Variants in DOCK3 observed in about 807,000 individuals in gnomAD.
The protein encoded by DOCK3 is dedicator of cytokinesis protein 3.
In DOCK3, 60 loss-of-function variants were observed where a neutral mutation model predicts 265.6. That is an observed-to-expected ratio of 0.23 (90% CI 0.18 to 0.28). DOCK3 has a LOEUF of 0.28. Among genes scored for constraint, DOCK3 ranks in the 10% least tolerant of loss-of-function variants. The pLI, the probability that DOCK3 is intolerant of heterozygous loss-of-function variation, is 1.00. For missense variants in DOCK3, 1,981 were observed against 2,594.3 expected (o/e 0.76, Z 5.14); for synonymous variants, 881 against 938.0 (o/e 0.94, Z 1.11).
intron 5 of DOCK3, among the ~76,000 whole-genome samples, chr3:51,043,258 A>G (rs929312764): frequency 6.6e-6 from 1 of 152,200 alleles, no homozygotes; most frequent in Non-Finnish European, 1.5e-5. Context: ...ATGGAACAGA[A>G]CAGAGAACAC....
intron 1 of DOCK3, chr3:50,719,470 A>G (rs1576223053): frequency 1.3e-6 from 1 of 758,950 alleles, no homozygotes; most frequent in South Asian, 1.6e-5. Flanking sequence ...GATAAAGCAC[A>G]AGTCAAATTT....
At chr3:50,877,893 A>C (rs1283079897) in intron 3 of DOCK3, among the ~76,000 whole-genome samples, 1 of 152,102 alleles carries the variant, frequency 6.6e-6, no homozygotes, top group Admixed American at 6.6e-5. Context: ...ACTGACACCA[A>C]ATACAGCCAG....
chr3:50,732,585 A>AT (rs2038292266), intron 1 of DOCK3, among the ~76,000 whole-genome samples: 1 of 151,942 alleles, frequency 6.6e-6, no homozygotes, highest in Admixed American at 6.6e-5. Context: ...TTTTTATTTT[A>AT]TTTTTTGTAG....
At chr3:50,709,295 T>A (rs1027697975) in intron 1 of DOCK3, among the ~76,000 whole-genome samples, 1 of 152,232 alleles carries the variant, frequency 6.6e-6, no homozygotes, top group Middle Eastern at 3.2e-3. Context: ...TTTTTTTTAG[T>A]GGATTCCTTA....
intron 1 of DOCK3, among the ~76,000 whole-genome samples, chr3:50,728,127 A>G (rs1399861055): frequency 6.6e-6 from 1 of 152,226 alleles, no homozygotes; most frequent in Non-Finnish European, 1.5e-5. Flanking sequence ...ATGAAATAAA[A>G]ACCGTAAAAT....
In DOCK3 at chr3:51,116,472, A is replaced by AAAAAG. The variant is rs1553763620; in HGVS notation, c.746+26088_746+26089insAAAAG. On this transcript the variant is annotated intron_variant, in intron 9 of 52. Coordinates refer to ENST00000266037, the MANE Select transcript of DOCK3 (RefSeq NM_004947.5). ...TCTCAAAAAAAAAAAAAAAAAAAAAAGGGTAGTTTTTTTCTAATTCTGTGA... is the reference window on the plus strand; with the variant it reads ...TCTCAAAAAAAAAAAAAAAAAAAAAAAAAAGGGGTAGTTTTTTTCTAATTCTGTGA... 1.9e-3 allele frequency among the ~76,000 whole-genome samples: 274 copies of AAAAAG among 145,070 alleles called. 9 individuals are homozygous for AAAAAG. Among genetic ancestry groups the AAAAAG allele is most frequent in the African/African-American group, 6.9e-3 (250 of 36,242 alleles).
At chr3:51,299,533 G>T (rs1041248215) in intron 27 of DOCK3, among the ~76,000 whole-genome samples, 1 of 151,932 alleles carries the variant, frequency 6.6e-6, no homozygotes, top group Admixed American at 6.6e-5. Context: ...TTTCTTCTAG[G>T]GTTTTTGTAG....
intron 5 of DOCK3, among the ~76,000 whole-genome samples, chr3:50,942,092 A>G (rs1032630158): frequency 6.6e-6 from 1 of 152,114 alleles, no homozygotes; most frequent in Admixed American, 6.5e-5. Context: ...GATCTTATCA[A>G]TGGATGAAGC....
chr3:51,245,323 CAA>C (rs1291967112), intron 21 of DOCK3, among the ~76,000 whole-genome samples: 1 of 151,436 alleles, frequency 6.6e-6, no homozygotes, highest in Admixed American at 6.6e-5. Flanking sequence ...AGCGATAGAG[CAA>C]GTGTCTGTCT....
intron 27 of DOCK3, among the ~76,000 whole-genome samples, chr3:51,288,465 G>A (rs1433155199): frequency 1.3e-5 from 2 of 151,942 alleles, no homozygotes; most frequent in Non-Finnish European, 2.9e-5. Flanking sequence ...GTGGGAGGAG[G>A]GTGAGGATCA....
chr3:51,228,073 G>C lies in DOCK3; in HGVS notation c.1632G>C (p.Glu544Asp). ...DGTTLSDDIH[E>D]LYVYKCDENS... ...CCACCCTCTCAGATGATATTCACGA[G>C]CTTTATGTGTACAAGGTATGAAGCC... The change falls in exon 17 of 53, where the codon GAG becomes GAC. Residue 544 changes from glutamate to aspartate, a missense_variant. By Grantham distance (45) the Glu-to-Asp change is conservative (BLOSUM62 2). Around this residue, in one of 4 missense-constraint regions of DOCK3, gnomAD observed 1,357 missense variants for 1,866.8 expected, o/e 0.73. Coordinates refer to ENST00000266037, the MANE Select transcript of DOCK3 (RefSeq NM_004947.5). The C allele has an allele frequency of 6.2e-7, 1 of 1,614,008 alleles. No homozygotes were observed. Among genetic ancestry groups the C allele is most frequent in the Non-Finnish European group, 8.5e-7 (1 of 1,179,884 alleles).
intron 12 of DOCK3, among the ~76,000 whole-genome samples, chr3:51,174,120 C>T (rs969944520): frequency 6.6e-6 from 1 of 151,996 alleles, no homozygotes; most frequent in African/African-American, 2.4e-5. Flanking sequence ...TTGTCAGTTC[C>T]AGTATATCTT....
At chr3:50,971,310 C>A (rs2077226535) in intron 5 of DOCK3, among the ~76,000 whole-genome samples, 3 of 151,662 alleles carry the variant, frequency 2.0e-5, no homozygotes, top group African/African-American at 4.8e-5. Context: ...AACTATTTTT[C>A]TTATTTTTGA....
At chr3:50,752,433 C>T (rs915102848) in intron 1 of DOCK3, among the ~76,000 whole-genome samples, 2 of 150,702 alleles carry the variant, frequency 1.3e-5, no homozygotes, top group African/African-American at 2.5e-5. Context: ...CATTTGAATC[C>T]GGGAGGCGGA....
intron 5 of DOCK3, among the ~76,000 whole-genome samples, chr3:50,949,951 G>A (rs1176077845): frequency 3.4e-5 from 5 of 148,232 alleles, no homozygotes; most frequent in Non-Finnish European, 7.4e-5. Flanking sequence ...ACTTTTGTGG[G>A]TTTATCCAAT....
intron 39 of DOCK3, 140 bp from the exon 40 acceptor site, chr3:51,350,148 G>C: frequency 1.4e-6 from 1 of 694,394 alleles, no homozygotes; most frequent in African/African-American, 1.8e-5. Context: ...GGCTGGTCAT[G>C]TCTAGAGGCT....
intron 5 of DOCK3, among the ~76,000 whole-genome samples, chr3:50,949,607 A>G (rs1461649549): frequency 1.3e-5 from 2 of 152,066 alleles, no homozygotes; most frequent in Non-Finnish European, 2.9e-5. Flanking sequence ...TAAGCTCTCT[A>G]GGATTGTGTT....
At chr3:51,214,816 G>T (rs1194672753) in intron 14 of DOCK3, among the ~76,000 whole-genome samples, 2 of 152,168 alleles carry the variant, frequency 1.3e-5, no homozygotes, top group African/African-American at 4.8e-5. Flanking sequence ...GCCCCGTGGA[G>T]AGCCAGGGCA....
intron 1 of DOCK3, among the ~76,000 whole-genome samples, chr3:50,711,437 AT>A (rs1576191310): frequency 1.3e-5 from 2 of 151,126 alleles, no homozygotes; most frequent in African/African-American, 4.9e-5. Context: ...AATTTTTTGT[AT>A]TTTTTAGTAG....
Sources: gnomAD v4.1 joint callset for allele counts (sites outside exome capture counted in the v4.1 genomes callset) on GRCh38, gnomAD v4.1.1 for gene constraint, gnomAD v4.1.1 regional missense constraint, MANE v1.5 for transcripts, NCBI Gene and HGNC (gene_info 2026-07-23, HGNC 2026-07-21) for gene names.